ATP10B: variants seen among roughly 807,000 people sequenced by gnomAD.
ATP10B encodes phospholipid-transporting ATPase VB.
A neutral mutation model predicts 141.2 loss-of-function variants in ATP10B; 122 were observed. The observed-to-expected ratio is 0.86, with a 90% CI of 0.75 to 1.00. The LOEUF (loss-of-function observed/expected upper bound fraction) is 1.00. ATP10B is among the 50% of genes least tolerant of loss of function. The pLI is 0.00. For missense variants in ATP10B, 1,876 were observed against 1,825.3 expected (o/e 1.03, Z -0.51); for synonymous variants, 685 against 692.0 (o/e 0.99, Z 0.16).
intron 7 of ATP10B, among the ~76,000 whole-genome samples, chr5:160,652,819 T>A (rs1760876246): frequency 9.8e-6 from 1 of 101,848 alleles, no homozygotes; most frequent in Non-Finnish European, 1.7e-5. Context: ...ATATATTATA[T>A]ATTAATTATA....
Position 160,615,960 on chromosome 5 carries a change from A to C in ATP10B, c.2531T>G (p.Val844Gly), listed in dbSNP as rs938017404. The change falls in exon 17 of 26, where the codon GTA becomes GGA. Residue 844 changes from valine (V) to glycine (G), a missense_variant. Transcript: ENST00000327245. Reference protein sequence around the residue: ...LRTLCIAKKVVSEEDFRRWAS... With the variant: ...LRTLCIAKKVGSEEDFRRWAS... ...CCATCTCCGGAAGTCCTCTTCGCTT[A>C]CAACCTATGGGATGGGAAAAGGCTC... 2.5e-6 allele frequency: 4 copies of C among 1,613,318 alleles called. No homozygotes were observed.
chr5:160,565,604 G>C lies in ATP10B; in HGVS notation c.4235C>G (p.Ser1412Ter). Residue 1412 changes from serine to a stop codon, truncating the protein, a stop_gained, in exon 26 of 26, where the codon TCA becomes TGA. Coordinates refer to ENST00000327245, the MANE Select transcript of ATP10B (RefSeq NM_025153.3). LOFTEE classifies it low-confidence loss of function (END_TRUNC). ...TTGAGCTGAGGAGTCCCCTGAGCAT[G>C]AGTCATCCCTCATGCACTCCGTGCC... The part of the protein sequence containing the change: ...RCGTECMRDD[S>*]CSGDSSAQLS... 1 of 1,614,110 alleles carries C rather than the reference G, an allele frequency of 6.2e-7. No individual in the cohort carries two copies. The highest frequency in any genetic ancestry group is 1.1e-5 in the South Asian group (1 of 91,080).
chr5:160,924,977 A>C, the ATP10B span, among the ~76,000 whole-genome samples: 13 of 152,166 alleles, frequency 8.5e-5, no homozygotes, highest in African/African-American at 3.1e-4. Flanking sequence ...ATCTGGTGAA[A>C]TCCTAGAGAC....
chr5:160,638,957 C>T (rs1264189979), intron 10 of ATP10B, among the ~76,000 whole-genome samples: 1 of 152,208 alleles, frequency 6.6e-6, no homozygotes, highest in Admixed American at 6.5e-5. Context: ...CTCCACCTCT[C>T]ATGGTGCTCC....
intron 3 of ATP10B, among the ~76,000 whole-genome samples, chr5:160,698,971 G>C (rs1236983357): frequency 6.6e-6 from 1 of 152,184 alleles, no homozygotes; most frequent in African/African-American, 2.4e-5. Context: ...GGGGATGGGG[G>C]TGGAAAATCT....
intron 24 of ATP10B, among the ~76,000 whole-genome samples, chr5:160,581,731 C>A (rs1755568753): frequency 6.6e-6 from 1 of 152,142 alleles, no homozygotes; most frequent in South Asian, 2.1e-4. Context: ...GTTGATCTGT[C>A]TACTATTGAC....
the ATP10B span, among the ~76,000 whole-genome samples, chr5:160,867,221 C>A: frequency 6.9e-6 from 1 of 145,660 alleles, no homozygotes; most frequent in African/African-American, 2.5e-5. Context: ...TATATGGATA[C>A]AAAAGTATCT....
At chr5:160,696,290 T>C (rs942683926) in intron 3 of ATP10B, among the ~76,000 whole-genome samples, 1 of 152,162 alleles carries the variant, frequency 6.6e-6, no homozygotes, top group Non-Finnish European at 1.5e-5. Flanking sequence ...TGTGTTTTTT[T>C]GTAGAGACAC....
chr5:160,722,370 CT>C (rs1766052864), intron 2 of ATP10B, among the ~76,000 whole-genome samples: 1 of 152,190 alleles, frequency 6.6e-6, no homozygotes, highest in South Asian at 2.1e-4. Context: ...TGAGGCTTCA[CT>C]TTGTACTCAT....
chr5:160,771,399 C>T (rs1321156551), intron 2 of ATP10B, among the ~76,000 whole-genome samples: 1 of 151,966 alleles, frequency 6.6e-6, no homozygotes, highest in African/African-American at 2.4e-5. Flanking sequence ...CTTGGGTGTC[C>T]CACATATAGG....
intron 14 of ATP10B, 29 bp downstream of exon 14, chr5:160,622,365 C>T: frequency 1.3e-6 from 2 of 1,586,168 alleles, no homozygotes; most frequent in Non-Finnish European, 1.7e-6. Flanking sequence ...CTCCTTTACC[C>T]TCCTCCCCCA....
intron 3 of ATP10B, among the ~76,000 whole-genome samples, chr5:160,704,071 C>G (rs1347421861): frequency 6.6e-6 from 1 of 152,156 alleles, no homozygotes; most frequent in Admixed American, 6.5e-5. Flanking sequence ...CAGTCTTAAA[C>G]TCCTGGGCAA....
At chr5:160,777,889 G>T (rs550748347) in intron 2 of ATP10B, among the ~76,000 whole-genome samples, 2 of 152,272 alleles carry the variant, frequency 1.3e-5, no homozygotes, top group South Asian at 2.1e-4. Flanking sequence ...AATAAGTAAT[G>T]GTTGTGTATA....
intron 2 of ATP10B, among the ~76,000 whole-genome samples, chr5:160,727,925 A>G (rs545176674): frequency 2.6e-5 from 4 of 152,340 alleles, no homozygotes; most frequent in African/African-American, 9.6e-5. Flanking sequence ...GAACAAGGAC[A>G]TACCAATTGT....
the ATP10B span, among the ~76,000 whole-genome samples, chr5:160,884,431 A>T: frequency 6.6e-6 from 1 of 152,212 alleles, no homozygotes; most frequent in African/African-American, 2.4e-5. Context: ...GATGATAATT[A>T]AAAATAATAT....
chr5:160,707,948 TG>T (rs1765114893), intron 3 of ATP10B, among the ~76,000 whole-genome samples: 1 of 152,178 alleles, frequency 6.6e-6, no homozygotes, highest in Non-Finnish European at 1.5e-5. Context: ...GAATGCCTGA[TG>T]GGGGTTGGGA....
At chr5:160,610,384 C>T (rs961085665) in intron 18 of ATP10B, among the ~76,000 whole-genome samples, 4 of 152,106 alleles carry the variant, frequency 2.6e-5, no homozygotes, top group African/African-American at 4.8e-5. Context: ...CCAAAACCAC[C>T]CACCTGTTGA....
intron 2 of ATP10B, among the ~76,000 whole-genome samples, chr5:160,764,357 T>A (rs1769255991): frequency 1.3e-5 from 2 of 152,088 alleles, no homozygotes; most frequent in African/African-American, 4.8e-5. Flanking sequence ...AAAAAGATAA[T>A]ACACTATCAT....
the ATP10B span, among the ~76,000 whole-genome samples, chr5:160,874,633 T>G: frequency 1.3e-5 from 2 of 151,902 alleles, no homozygotes; most frequent in African/African-American, 4.8e-5. Flanking sequence ...TTGAAAACTT[T>G]GAAAAAAATG....
Sources: allele counts gnomAD v4.1 joint callset (sites outside exome capture counted in the v4.1 genomes callset), GRCh38; gene constraint gnomAD v4.1.1; transcripts MANE v1.5; gene names NCBI Gene and HGNC (gene_info 2026-07-23, HGNC 2026-07-21).